Variants in DMRT1 observed in about 807,000 individuals in gnomAD.
DMRT1 encodes doublesex and mab-3 related transcription factor 1, also known as doublesex- and mab-3-related transcription factor 1.
A neutral mutation model predicts 32.3 loss-of-function variants in DMRT1; 7 were observed. That is an observed-to-expected ratio of 0.22 (90% CI 0.12 to 0.41). The LOEUF is 0.41. Ranked by LOEUF, DMRT1 falls within the 10% of genes least tolerant of loss-of-function variation. The probability of loss-of-function intolerance (pLI) is 1.00; values close to 1 mark genes in which losing one functional copy is unlikely to be tolerated. For synonymous variants in DMRT1, 278 were observed against 206.1 expected (o/e 1.35, Z -2.99); for missense variants, 625 against 500.5 (o/e 1.25, Z -2.37).
chr9:962,618 G>A (rs933576793), intron 4 of DMRT1, among the ~76,000 whole-genome samples: 5 of 152,086 alleles, frequency 3.3e-5, no homozygotes, highest in African/African-American at 1.2e-4. Context: ...GGAGGGCCTG[G>A]GTGGGGTGGA....
intron 4 of DMRT1, among the ~76,000 whole-genome samples, chr9:935,778 G>A (rs756153453): frequency 6.6e-6 from 1 of 152,108 alleles, no homozygotes; most frequent in African/African-American, 2.4e-5. Flanking sequence ...CCATCCAAGT[G>A]GTCTTTTGAG....
At chr9:883,849 C>G (rs879911528) in intron 2 of DMRT1, among the ~76,000 whole-genome samples, 2 of 151,378 alleles carry the variant, frequency 1.3e-5, no homozygotes, top group East Asian at 3.9e-4. Context: ...TCGTAGCGCT[C>G]AACACAAAGT....
intron 1 of DMRT1, among the ~76,000 whole-genome samples, chr9:846,635 C>T (rs2132542133): frequency 6.6e-6 from 1 of 152,264 alleles, no homozygotes; most frequent in East Asian, 1.9e-4. Context: ...GGCTGGAGTG[C>T]AGTGGTGCGA....
At chr9:937,985 C>T (rs1252446884) in intron 4 of DMRT1, among the ~76,000 whole-genome samples, 1 of 151,850 alleles carries the variant, frequency 6.6e-6, no homozygotes, top group Non-Finnish European at 1.5e-5. Flanking sequence ...AGTTTTAGCT[C>T]TTAAGATCTT....
intron 2 of DMRT1, among the ~76,000 whole-genome samples, chr9:889,609 C>A (rs575417236): frequency 6.6e-6 from 1 of 152,308 alleles, no homozygotes; most frequent in Admixed American, 6.5e-5. Flanking sequence ...CTCTTGTTAC[C>A]TTCAGAGTTA....
rs566539990 is a variant in DMRT1 at position 944,420 on chromosome 9, CAT to C, written c.968-23561_968-23560del. Among the ~76,000 whole-genome samples, 10 of 152,268 alleles carry C rather than the reference CAT, an allele frequency of 6.6e-5. No homozygotes were observed. The South Asian group carries it at 2.1e-3, about 32-fold the overall frequency. On this transcript the variant is annotated intron_variant, in intron 4 of 4. Transcript: ENST00000382276. ...ACACAATAAGCACATTCAATAAACA[CAT>C]ATACAATTTTCAGCAGCTCACTCCC...
At chr9:935,130 T>C (rs12340817) in intron 4 of DMRT1, among the ~76,000 whole-genome samples, 40,893 of 152,110 alleles carry the variant, frequency 0.27, 7,951 homozygotes, top group African/African-American at 0.55. Context: ...AAGTGACTAG[T>C]GTTTTTCTAA....
chr9:925,465 G>T (rs1162534592), intron 4 of DMRT1, among the ~76,000 whole-genome samples: 1 of 152,194 alleles, frequency 6.6e-6, no homozygotes, highest in Non-Finnish European at 1.5e-5. Flanking sequence ...AGCCCTGCCG[G>T]AGGGTCAGGG....
chr9:857,666 T>G (rs1815458390), intron 2 of DMRT1, among the ~76,000 whole-genome samples: 1 of 151,996 alleles, frequency 6.6e-6, no homozygotes, highest in Non-Finnish European at 1.5e-5. Context: ...AGGGTACATG[T>G]GCACAACGTG....
At chr9:936,828 A>G (rs1353502714) in intron 4 of DMRT1, among the ~76,000 whole-genome samples, 1 of 151,936 alleles carries the variant, frequency 6.6e-6, no homozygotes, top group East Asian at 1.9e-4. Flanking sequence ...TTACTGTGTT[A>G]AATATACATA....
intron 4 of DMRT1, among the ~76,000 whole-genome samples, chr9:961,299 G>T (rs563290876): frequency 1.3e-5 from 2 of 152,252 alleles, no homozygotes; most frequent in Admixed American, 1.3e-4. Flanking sequence ...TTGTGACAGG[G>T]CTCCAGGAAC....
chr9:870,972 T>C (rs1190386311), intron 2 of DMRT1, among the ~76,000 whole-genome samples: 2 of 151,672 alleles, frequency 1.3e-5, no homozygotes, highest in Admixed American at 1.3e-4. Context: ...ACACCCAAAG[T>C]GCGGGGATTA....
At chr9:953,081 C>T (rs970353713) in intron 4 of DMRT1, among the ~76,000 whole-genome samples, 2 of 152,066 alleles carry the variant, frequency 1.3e-5, no homozygotes, top group Non-Finnish European at 2.9e-5. Context: ...TGCATACATG[C>T]TTTGTGTGTC....
intron 4 of DMRT1, among the ~76,000 whole-genome samples, chr9:945,483 A>G (rs1287836739): frequency 1.3e-5 from 2 of 152,152 alleles, no homozygotes; most frequent in African/African-American, 2.4e-5. Flanking sequence ...ATAATTTCCA[A>G]TCAGCCATTT....
chr9:866,471 G>A (rs62529822), intron 2 of DMRT1, among the ~76,000 whole-genome samples: 124,153 of 151,930 alleles, frequency 0.82, 50,961 homozygotes, highest in Admixed American at 0.88. Context: ...CATTTACCCC[G>A]TTGTGGGGAT....
Position 842,108 on chromosome 9 carries a change from C to T in DMRT1, c.270C>T (p.Gly90=), listed in dbSNP as rs1034550404. 52 of 1,548,160 alleles carry T rather than the reference C, an allele frequency of 3.4e-5. No individual in the cohort carries two copies. Among genetic ancestry groups the T allele is most frequent in the Non-Finnish European group, 4.3e-5 (50 of 1,151,098 alleles). The change falls in exon 1 of 5, where the codon GGC becomes GGT. Residue 90 remains glycine, a synonymous_variant. Coordinates refer to ENST00000382276, the MANE Select transcript of DMRT1 (RefSeq NM_021951.3). ...RNHGYASPLK[G]HKRFCMWRDC... The stretch of plus-strand genomic sequence containing the variant: ...ACGGCTACGCCTCGCCGCTCAAGGG[C>T]CACAAGCGCTTCTGCATGTGGCGCG...
At chr9:924,832 G>A (rs1005231093) in intron 4 of DMRT1, among the ~76,000 whole-genome samples, 3 of 152,174 alleles carry the variant, frequency 2.0e-5, no homozygotes, top group African/African-American at 7.2e-5. Context: ...CCTAAAGAAT[G>A]GTACAGAAGC....
At chr9:903,718 A>G (rs963031737) in intron 3 of DMRT1, among the ~76,000 whole-genome samples, 1 of 152,144 alleles carries the variant, frequency 6.6e-6, no homozygotes, top group African/African-American at 2.4e-5. Flanking sequence ...TTTTGGTTAA[A>G]AATATGTAGA....
intron 2 of DMRT1, among the ~76,000 whole-genome samples, chr9:850,050 C>A (rs1429068435): frequency 6.6e-6 from 1 of 152,188 alleles, no homozygotes; most frequent in African/African-American, 2.4e-5. Context: ...AACTCCCGAC[C>A]TCAGGTGATC....
Sources: gnomAD v4.1 joint callset for allele counts (sites outside exome capture counted in the v4.1 genomes callset) on GRCh38, gnomAD v4.1.1 for gene constraint, MANE v1.5 for transcripts, NCBI Gene and HGNC (gene_info 2026-07-23, HGNC 2026-07-21) for gene names.